CACNA2D3: variants seen among roughly 807,000 people sequenced by gnomAD.
CACNA2D3 encodes voltage-dependent calcium channel subunit alpha-2/delta-3.
In CACNA2D3, 60 loss-of-function variants were observed where a neutral mutation model predicts 160.6. The observed-to-expected ratio is 0.37, with a 90% CI of 0.30 to 0.46. CACNA2D3 has a LOEUF of 0.46. CACNA2D3 is among the 20% of genes least tolerant of loss of function. CACNA2D3 has a pLI of 1.00. For synonymous variants in CACNA2D3, 558 were observed against 492.9 expected, an observed-to-expected ratio of 1.13 and a Z score of -1.75; for missense variants, 1,205 against 1,365.0, an observed-to-expected ratio of 0.88 and a Z score of 1.85.
chr3:54,167,069 T>C (rs1700472908), intron 2 of CACNA2D3, among the ~76,000 whole-genome samples: 1 of 152,180 alleles, frequency 6.6e-6, no homozygotes, highest in Non-Finnish European at 1.5e-5. Context: ...TTACTCCCTT[T>C]GCGGAACAAG....
In CACNA2D3 at chr3:54,347,683, G is replaced by A. The variant is rs947679645; in HGVS notation, c.321+27125G>A. 3.3e-5 allele frequency among the ~76,000 whole-genome samples: 5 copies of A among 151,836 alleles called. No individual in the cohort carries two copies. The South Asian group carries it at 1.0e-3, about 32-fold the overall frequency. On this transcript the variant is annotated intron_variant, in intron 3 of 37. Transcript: ENST00000474759. ...AAAAAAAAAACAAAAAACACCATGG[G>A]CTCCTTCTTCATAGAAGGCTCCTTT...
At chr3:54,562,531 T>C (rs1474228813) in intron 5 of CACNA2D3, among the ~76,000 whole-genome samples, 2 of 152,182 alleles carry the variant, frequency 1.3e-5, no homozygotes, top group Admixed American at 1.3e-4. Flanking sequence ...GGATATGTGA[T>C]ATTGAAAGGT....
chr3:54,466,185 A>C (rs1391931328), intron 4 of CACNA2D3, among the ~76,000 whole-genome samples: 1 of 152,196 alleles, frequency 6.6e-6, no homozygotes, highest in East Asian at 1.9e-4. Flanking sequence ...AAATACCCCT[A>C]GATTAGTGTT....
At chr3:55,007,989 T>A (rs1048790969) in intron 33 of CACNA2D3, 147 bp downstream of exon 33, 1 of 579,600 alleles carries the variant, frequency 1.7e-6, no homozygotes, top group African/African-American at 2.0e-5. Context: ...TCTCAAAATA[T>A]TGAACACAGA....
At chr3:54,293,316 C>T (rs1157196164) in intron 2 of CACNA2D3, among the ~76,000 whole-genome samples, 40 of 152,206 alleles carry the variant, frequency 2.6e-4, no homozygotes, top group Admixed American at 6.5e-5. Context: ...GCAGTATACA[C>T]GGTACCCGAT....
At chr3:54,936,115 G>T (rs1005048567) in intron 27 of CACNA2D3, among the ~76,000 whole-genome samples, 1 of 151,432 alleles carries the variant, frequency 6.6e-6, no homozygotes, top group Admixed American at 6.6e-5. Context: ...AACCCAGCTT[G>T]CAGATTTATG....
intron 4 of CACNA2D3, among the ~76,000 whole-genome samples, chr3:54,462,521 A>G (rs1700526353): frequency 6.6e-6 from 1 of 152,132 alleles, no homozygotes; most frequent in African/African-American, 2.4e-5. Context: ...TCCCTTTACC[A>G]TTATGCAATG....
At chr3:54,789,750 C>T (rs917034417) in intron 13 of CACNA2D3, 1 of 460,568 alleles carries the variant, frequency 2.2e-6, no homozygotes, top group Admixed American at 2.3e-5. Flanking sequence ...TAAAGCTCCT[C>T]TAAACCAAAA....
At chr3:54,805,027 G>C (rs1376178978) in intron 13 of CACNA2D3, among the ~76,000 whole-genome samples, 3 of 152,206 alleles carry the variant, frequency 2.0e-5, no homozygotes, top group Admixed American at 1.3e-4. Flanking sequence ...CAACATACCA[G>C]AATCTGTGGG....
At chr3:54,151,573 A>G (rs1018956318) in intron 2 of CACNA2D3, among the ~76,000 whole-genome samples, 2 of 152,090 alleles carry the variant, frequency 1.3e-5, no homozygotes, top group East Asian at 3.9e-4. Context: ...TACTTGCTTT[A>G]CCAGTGCTGG....
chr3:54,871,240 G>A (rs1699528010), intron 17 of CACNA2D3, among the ~76,000 whole-genome samples: 1 of 149,578 alleles, frequency 6.7e-6, no homozygotes, highest in South Asian at 2.1e-4. Context: ...ATTCAAGGAG[G>A]GGACAGATTT....
chr3:54,731,846 T>A (rs1701394398), intron 11 of CACNA2D3, among the ~76,000 whole-genome samples: 1 of 151,974 alleles, frequency 6.6e-6, no homozygotes, highest in Non-Finnish European at 1.5e-5. Flanking sequence ...GACGAACACT[T>A]CAGAACAAGC....
chr3:54,497,418 TG>T (rs1701219167), intron 4 of CACNA2D3, among the ~76,000 whole-genome samples: 1 of 152,072 alleles, frequency 6.6e-6, no homozygotes, highest in South Asian at 2.1e-4. Context: ...AATTTCCAAC[TG>T]TTTTGTGTTA....
chr3:54,966,365 T>G (rs763391668), intron 27 of CACNA2D3, among the ~76,000 whole-genome samples: 9 of 152,184 alleles, frequency 5.9e-5, no homozygotes, highest in Non-Finnish European at 8.8e-5. Flanking sequence ...AAAATCAGCT[T>G]CTTTCAGGCA....
At chr3:54,178,258 C>G (rs1700712864) in intron 2 of CACNA2D3, among the ~76,000 whole-genome samples, 1 of 152,340 alleles carries the variant, frequency 6.6e-6, no homozygotes, top group Non-Finnish European at 1.5e-5. Flanking sequence ...CTCTGCTGTT[C>G]TCAACCCTTA....
chr3:54,669,961 C>T (rs2106896158), intron 11 of CACNA2D3, among the ~76,000 whole-genome samples: 1 of 152,156 alleles, frequency 6.6e-6, no homozygotes, highest in Admixed American at 6.5e-5. Context: ...GTGACTGGGG[C>T]TCTTCTGAAA....
At chr3:54,333,444 T>C (rs1345515995) in intron 3 of CACNA2D3, among the ~76,000 whole-genome samples, 1 of 152,070 alleles carries the variant, frequency 6.6e-6, no homozygotes, top group African/African-American at 2.4e-5. Flanking sequence ...CACTTTTCTC[T>C]GGGTATTGAT....
chr3:54,546,384 G>A (rs929611095), intron 5 of CACNA2D3, among the ~76,000 whole-genome samples: 2 of 152,204 alleles, frequency 1.3e-5, no homozygotes, highest in Non-Finnish European at 1.5e-5. Context: ...CTAACTTGAA[G>A]AAGTAGAGAG....
intron 2 of CACNA2D3, among the ~76,000 whole-genome samples, chr3:54,241,886 A>C (rs1353330533): frequency 6.6e-6 from 1 of 152,170 alleles, no homozygotes; most frequent in Non-Finnish European, 1.5e-5. Context: ...TTTTCCATCT[A>C]AAATATGATG....
Sources: allele counts gnomAD v4.1 joint callset (sites outside exome capture counted in the v4.1 genomes callset), GRCh38; gene constraint gnomAD v4.1.1; transcripts MANE v1.5; gene names NCBI Gene and HGNC (gene_info 2026-07-23, HGNC 2026-07-21).